The following CPNE7 variants were observed in gnomAD, a reference collection of about 807,000 sequenced individuals.
The protein encoded by CPNE7 is copine-7.
Under a neutral mutation model 66.5 loss-of-function variants are expected in CPNE7, and 78 were observed. The observed-to-expected ratio is 1.17, with a 90% CI of 0.98 to 1.42. CPNE7 has a LOEUF of 1.42. CPNE7 is among the 40% of genes most tolerant of loss of function. The pLI is 0.00. For missense variants in CPNE7, 1,012 were observed against 776.6 expected, an observed-to-expected ratio of 1.30 and a Z score of -3.60; for synonymous variants, 468 against 336.7, an observed-to-expected ratio of 1.39 and a Z score of -4.27.
chr16:89,592,857 G>A, intron 13 of CPNE7, among the ~76,000 whole-genome samples: 1 of 120,566 alleles, frequency 8.3e-6, no homozygotes. Context: ...TTGTCACCCA[G>A]GCTGGAGTGC....
intron 2 of CPNE7, among the ~76,000 whole-genome samples, chr16:89,582,769 C>T (rs1269550266): frequency 1.3e-5 from 2 of 152,238 alleles, no homozygotes; most frequent in African/African-American, 2.4e-5. Context: ...TTGTATTCAA[C>T]CTACCTCATT....
rs745965207 is a variant in CPNE7 at position 89,585,462 on chromosome 16, A to G, written c.592-2A>G. ...CCTGAGCCAGCCCCTCCCGGCCCAC[A>G]GGTGGTGAAGAACAACCTGAACCCG... On this transcript the variant is annotated splice_acceptor_variant, in intron 5 of 14. Transcript: ENST00000319518. LOFTEE classifies it high-confidence loss of function. 2 of 1,609,412 alleles carry G rather than the reference A, an allele frequency of 1.2e-6. No homozygotes were observed. The highest frequency in any genetic ancestry group is 1.1e-5 in the South Asian group (1 of 90,500).
At chr16:89,583,562 C>T in intron 2 of CPNE7, 135 bp from the exon 3 acceptor site, 2 of 1,595,522 alleles carry the variant, frequency 1.3e-6, no homozygotes, top group Non-Finnish European at 1.7e-6. Context: ...GGGCGCGGGC[C>T]CTGGGCAGTG....
chr16:89,577,457 G>C (rs1483813246), intron 1 of CPNE7, 82 bp from the exon 2 acceptor site: 1 of 1,402,684 alleles, frequency 7.1e-7, no homozygotes, highest in East Asian at 2.5e-5. Context: ...CTGGGCGTGG[G>C]TGAGCGGCAG....
chr16:89,578,774 AAAAAG>A (rs1164157096), intron 2 of CPNE7: 29 of 1,414,846 alleles, frequency 2.0e-5, no homozygotes, highest in African/African-American at 7.3e-5. Flanking sequence ...AAAAAAAAAA[AAAAAG>A]AAGCCTCCTT....
At chr16:89,585,034 G>A (rs181270783) in intron 5 of CPNE7, among the ~76,000 whole-genome samples, 177 bp downstream of exon 5, 1 of 152,272 alleles carries the variant, frequency 6.6e-6, no homozygotes, top group African/African-American at 2.4e-5. Context: ...GGCCCTGGGG[G>A]CCGTGGCTGT....
At position 89,580,268 on chromosome 16, in the gene CPNE7, C is replaced by G. The variant is rs1369928014; in HGVS notation, c.357+2547C>G. On this transcript the variant is annotated intron_variant, in intron 2 of 14. Transcript: ENST00000319518. ...CACGGAACATCCCATCACCTGCAGACACAGAACATCTCACCCATCACACGG... is the reference window on the plus strand; with the variant it reads ...CACGGAACATCCCATCACCTGCAGAGACAGAACATCTCACCCATCACACGG... 3.1e-3 allele frequency among the ~76,000 whole-genome samples: 376 copies of G among 123,098 alleles called. 11 individuals carry two copies. Among genetic ancestry groups the G allele is most frequent in the African/African-American group, 0.011 (354 of 31,144 alleles). The allele number at this position is 123,098 out of a possible 152,430, so 80.8% of individuals were successfully genotyped here. A position where few individuals can be genotyped will look rare whatever the true frequency, so the allele number is the denominator to read the frequency against.
In CPNE7 at chr16:89,591,347, G is replaced by A. The variant is rs1196408341; in HGVS notation, c.1302+87G>A. 3 of 1,447,968 alleles carry A rather than the reference G, an allele frequency of 2.1e-6. No individual in the cohort carries two copies. In the African/African-American group the frequency reaches 4.3e-5, roughly 21 times the overall value. 89.7% of individuals were successfully genotyped at this position (1,447,968 alleles called of 1,614,324 possible). A position where few individuals can be genotyped will look rare whatever the true frequency, so the allele number is the denominator to read the frequency against. On this transcript the variant is annotated intron_variant, in intron 13 of 14. Coordinates refer to ENST00000319518, the MANE Select transcript of CPNE7 (RefSeq NM_153636.3). ...GTGGACGTCAGGGAGGCACCTGGCA[G>A]AGGGAACAGCCAGCGCAGAGGCCCC...
At chr16:89,587,535 C>T (rs72805558) in intron 9 of CPNE7, 28,038 of 453,380 alleles carry the variant, frequency 0.062, 2,501 homozygotes, top group Admixed American at 0.26. Context: ...GCTTACCTTC[C>T]ACAAACACAT....
At chr16:89,588,248 T>TCACCCACAGATACACGGCCCCCGTG in intron 9 of CPNE7, among the ~76,000 whole-genome samples, 1 of 151,710 alleles carries the variant, frequency 6.6e-6, no homozygotes, top group Non-Finnish European at 1.5e-5. Flanking sequence ...CACCCGCGTG[T>TCACCCACAGATACACGGCCCCCGTG]TATTTGCAGA....
At position 89,575,950 on chromosome 16, in the gene CPNE7, C is replaced by T. The variant is rs2058853211; in HGVS notation, c.53C>T (p.Ala18Val). ...GAAATPGGLP[A>V]PCASKVELRL... Reference sequence around the variant, plus strand: ...GCGGCAACCCCCGGGGGTTTGCCCGCGCCCTGCGCCTCGAAGGTGGAGCTG... The same window carrying T: ...GCGGCAACCCCCGGGGGTTTGCCCGTGCCCTGCGCCTCGAAGGTGGAGCTG... The change falls in exon 1 of 15, where the codon GCG becomes GTG. Residue 18 changes from alanine (A) to valine (V), a missense_variant. Coordinates refer to ENST00000319518, the MANE Select transcript of CPNE7 (RefSeq NM_153636.3). 1 of 1,341,704 alleles carries T rather than the reference C, an allele frequency of 7.5e-7. No individual in the cohort carries two copies. The highest frequency in any genetic ancestry group is 9.6e-7 in the Non-Finnish European group (1 of 1,046,046). The allele number at this position is 1,341,704 out of a possible 1,614,324, so 83.1% of individuals were successfully genotyped here.
chr16:89,584,154 T>C lies in CPNE7; in HGVS notation c.507+52T>C, dbSNP rs1235252263. On this transcript the variant is annotated intron_variant, in intron 4 of 14. Coordinates refer to ENST00000319518, the MANE Select transcript of CPNE7 (RefSeq NM_153636.3). This position sits in a 1 kb window ranked among gnomAD's most constrained non-coding sequence, Gnocchi z 6.0. ...GCTCAGGCTGAGGTCCGGGAACCGG[T>C]TCGAAAACCCGGTCCCTGCCCAGCG... 6.4e-7 allele frequency: 1 copy of C among 1,568,660 alleles called. No homozygotes were observed. The highest frequency in any genetic ancestry group is 8.7e-7 in the Non-Finnish European group (1 of 1,152,436).
intron 6 of CPNE7, 43 bp from the exon 7 acceptor site, chr16:89,585,643 TG>T: frequency 6.4e-7 from 1 of 1,552,958 alleles, no homozygotes; most frequent in Non-Finnish European, 8.7e-7. Flanking sequence ...GGGAGGGTCC[TG>T]GGGCCCCCAG....
At chr16:89,583,515 C>T (rs202128349) in intron 2 of CPNE7, 182 bp from the exon 3 acceptor site, 21 of 1,562,954 alleles carry the variant, frequency 1.3e-5, no homozygotes, top group African/African-American at 5.4e-5. Context: ...GGTGGCCACA[C>T]GCAGGGATGG....
intron 2 of CPNE7, among the ~76,000 whole-genome samples, chr16:89,578,401 CCCTGTTCTGCAT>C (rs1408828022): frequency 6.6e-6 from 1 of 152,110 alleles, no homozygotes; most frequent in Non-Finnish European, 1.5e-5. Context: ...AAATTACGTT[CCCTGTTCTGCAT>C]CCTGCGTTTT....
intron 14 of CPNE7, 26 bp from the exon 15 acceptor site, chr16:89,596,458 G>A (rs1223354192): frequency 6.3e-7 from 1 of 1,594,248 alleles, no homozygotes; most frequent in Admixed American, 1.8e-5. Flanking sequence ...AGGTCCCAGA[G>A]GTAACTGCGT....
chr16:89,592,810 C>CTTTTTTTTTTTTTTTT (rs57297283), intron 13 of CPNE7, among the ~76,000 whole-genome samples: 5 of 106,354 alleles, frequency 4.7e-5, no homozygotes, highest in South Asian at 3.0e-4. Context: ...TTTTTCTTTT[C>CTTTTTTTTTTTTTTTT]TTTTTTTTTT....
intron 9 of CPNE7, among the ~76,000 whole-genome samples, 174 bp from the exon 10 acceptor site, chr16:89,588,501 C>G (rs1202705700): frequency 2.0e-5 from 3 of 152,130 alleles, no homozygotes; most frequent in Non-Finnish European, 2.9e-5. Context: ...GAGGAGACCT[C>G]TCCTGGCCCT....
chr16:89,592,154 G>A (rs1055410970), intron 13 of CPNE7, among the ~76,000 whole-genome samples: 9 of 146,606 alleles, frequency 6.1e-5, no homozygotes, highest in African/African-American at 1.5e-4. Context: ...GACTACAGGC[G>A]CCCACCATCA....
Sources: gnomAD v4.1 joint callset for allele counts (sites outside exome capture counted in the v4.1 genomes callset) on GRCh38, gnomAD v4.1.1 for gene constraint, Gnocchi (gnomAD v3.1) non-coding constraint, MANE v1.5 for transcripts, NCBI Gene and HGNC (gene_info 2026-07-23, HGNC 2026-07-21) for gene names.